Variants in ARFGEF1 observed in about 807,000 individuals in gnomAD.
ARFGEF1 encodes the protein brefeldin A-inhibited guanine nucleotide-exchange protein 1.
ARFGEF1 carries 42 observed loss-of-function variants against 231.0 expected under a neutral mutation model. The observed-to-expected ratio is 0.18, with a 90% CI of 0.14 to 0.24. The LOEUF is 0.24. ARFGEF1 is among the 10% of genes least tolerant of loss of function. The pLI is 1.00. For synonymous variants in ARFGEF1, 710 were observed against 732.3 expected (o/e 0.97, Z 0.49); for missense variants, 1,345 against 2,192.0 (o/e 0.61, Z 7.72).
At chr8:67,191,332 T>C (rs1328119619) in intron 5 of ARFGEF1, among the ~76,000 whole-genome samples, 1 of 152,230 alleles carries the variant, frequency 6.6e-6, no homozygotes, top group African/African-American at 2.4e-5. Flanking sequence ...GACGTGAAGA[T>C]GCAGTTATAT....
At chr8:67,177,675 TAC>T in intron 5 of ARFGEF1, 1 of 1,604,932 alleles carries the variant, frequency 6.2e-7, no homozygotes, top group Non-Finnish European at 8.5e-7. Context: ...CTCCATTGAC[TAC>T]AGTTGACTTA....
At chr8:67,283,930 A>G (rs985952891) in intron 7 of ARFGEF1, among the ~76,000 whole-genome samples, 13 of 152,222 alleles carry the variant, frequency 8.5e-5, no homozygotes, top group African/African-American at 2.9e-4. Context: ...AATAGCTAAC[A>G]GATATTCATA....
chr8:67,310,437 C>T (rs1297954964), intron 1 of ARFGEF1, among the ~76,000 whole-genome samples: 2 of 152,206 alleles, frequency 1.3e-5, no homozygotes, highest in African/African-American at 2.4e-5. Context: ...GGCGTGATCT[C>T]GGCTCGCTAC....
At chr8:67,272,558 T>C (rs1000444390) in intron 9 of ARFGEF1, among the ~76,000 whole-genome samples, 1 of 152,218 alleles carries the variant, frequency 6.6e-6, no homozygotes, top group Non-Finnish European at 1.5e-5. Context: ...TGAAGATATA[T>C]GTTGTGTTCC....
At chr8:67,217,204 T>C (rs376761037) in intron 32 of ARFGEF1, among the ~76,000 whole-genome samples, 6 of 149,376 alleles carry the variant, frequency 4.0e-5, no homozygotes, top group African/African-American at 9.9e-5. Context: ...CTTGGGAGGC[T>C]AAGGCAGGAT....
intron 14 of ARFGEF1, among the ~76,000 whole-genome samples, chr8:67,265,759 T>C (rs1315852897): frequency 6.6e-6 from 1 of 152,112 alleles, no homozygotes; most frequent in Admixed American, 6.6e-5. Context: ...GCACAGATGA[T>C]ACCCATCAAC....
At chr8:67,259,971 T>C (rs1840588235) in intron 14 of ARFGEF1, 45 bp from the exon 15 acceptor site, 3 of 1,355,934 alleles carry the variant, frequency 2.2e-6, no homozygotes, top group Non-Finnish European at 3.1e-6. Context: ...AAACCATTCG[T>C]AGTCCCTGAA....
chr8:67,325,975 GATCACT>G (rs1268687298), intron 1 of ARFGEF1, among the ~76,000 whole-genome samples: 11 of 152,316 alleles, frequency 7.2e-5, no homozygotes, highest in African/African-American at 2.2e-4. Context: ...GAGGCGGGCA[GATCACT>G]TGAGGTCAGG....
At chr8:67,283,874 TG>T (rs1805639873) in intron 7 of ARFGEF1, among the ~76,000 whole-genome samples, 1 of 152,266 alleles carries the variant, frequency 6.6e-6, no homozygotes, top group East Asian at 1.9e-4. Flanking sequence ...CATACATTAA[TG>T]GTAAGAGTGC....
intron 34 of ARFGEF1, among the ~76,000 whole-genome samples, chr8:67,205,861 A>AAAAAAAAT (rs750341520): frequency 6.7e-6 from 1 of 150,132 alleles, no homozygotes; most frequent in African/African-American, 2.5e-5. Context: ...CCGTCTCAAA[A>AAAAAAAAT]AAATAAATAA....
chr8:67,331,417 TCACTCTTCTAC>T (rs1446325408), intron 1 of ARFGEF1, among the ~76,000 whole-genome samples: 1 of 152,142 alleles, frequency 6.6e-6, no homozygotes, highest in Non-Finnish European at 1.5e-5. Context: ...GAGGTGTATT[TCACTCTTCTAC>T]CATGTGACAA....
intron 6 of ARFGEF1, among the ~76,000 whole-genome samples, chr8:67,289,856 G>C (rs1334328838): frequency 1.3e-5 from 2 of 151,948 alleles, no homozygotes; most frequent in Non-Finnish European, 2.9e-5. Flanking sequence ...GCTCTAGTTG[G>C]CTAAAATTAC....
At chr8:67,223,434 C>T (rs1488090336) in intron 29 of ARFGEF1, among the ~76,000 whole-genome samples, 1 of 152,104 alleles carries the variant, frequency 6.6e-6, no homozygotes, top group African/African-American at 2.4e-5. Context: ...ACAATCCTCC[C>T]ACCTTGACAT....
intron 6 of ARFGEF1, among the ~76,000 whole-genome samples, chr8:67,289,549 C>CAAAAAAAAAA (rs552601455): frequency 1.3e-4 from 6 of 44,812 alleles, no homozygotes; most frequent in Admixed American, 2.9e-4. Context: ...ACTCTGTATC[C>CAAAAAAAAAA]AAAAAAAAAA....
chr8:67,342,564 C>T (rs1808689737), intron 1 of ARFGEF1, among the ~76,000 whole-genome samples: 1 of 152,066 alleles, frequency 6.6e-6, no homozygotes, highest in Admixed American at 6.6e-5. Context: ...TCTTGTTCTT[C>T]CAGGTCAGCC....
rs770982517 is a variant in ARFGEF1 at position 67,253,551 on chromosome 8, A to G, written c.2598T>C (p.Pro866=). The change falls in exon 18 of 39, where the codon CCT becomes CCC. Residue 866 remains proline, a synonymous_variant. Coordinates refer to ENST00000262215, the MANE Select transcript of ARFGEF1 (RefSeq NM_006421.5). ...TATAGATGGCTGATAGATACTCTTC[A>G]GGAAGGTCTTTACTGTCATTGATAC... The part of the protein sequence containing the change: ...NRGINDSKDL[P]EEYLSAIYNE... The G allele has an allele frequency of 6.3e-7, 1 of 1,587,876 alleles. No individual in the cohort carries two copies. The highest frequency in any genetic ancestry group is 1.1e-5 in the South Asian group (1 of 90,192).
At chr8:67,218,449 A>G (rs1028507358) in intron 30 of ARFGEF1, among the ~76,000 whole-genome samples, 1 of 151,786 alleles carries the variant, frequency 6.6e-6, no homozygotes, top group Non-Finnish European at 1.5e-5. Context: ...TACTAACATT[A>G]TGATTTTTCG....
intron 32 of ARFGEF1, among the ~76,000 whole-genome samples, chr8:67,217,016 T>C (rs1252924727): frequency 1.3e-5 from 2 of 148,944 alleles, no homozygotes; most frequent in Admixed American, 1.3e-4. Flanking sequence ...AAAAAAATCA[T>C]AAAATTGGCC....
At chr8:67,207,765 G>C (rs903286173) in intron 34 of ARFGEF1, among the ~76,000 whole-genome samples, 2 of 152,206 alleles carry the variant, frequency 1.3e-5, no homozygotes, top group African/African-American at 4.8e-5. Context: ...TATCCACCAA[G>C]GAAGAGGGCT....
Sources: gnomAD v4.1 joint callset for allele counts (sites outside exome capture counted in the v4.1 genomes callset) on GRCh38, gnomAD v4.1.1 for gene constraint, MANE v1.5 for transcripts, NCBI Gene and HGNC (gene_info 2026-07-23, HGNC 2026-07-21) for gene names.